NLRP8: variants seen among roughly 807,000 people sequenced by gnomAD.
NLRP8 encodes the protein NLR family pyrin domain containing 8.
A neutral mutation model predicts 88.7 loss-of-function variants in NLRP8; 86 were observed. The observed-to-expected ratio is 0.97, with a 90% CI of 0.81 to 1.16. The LOEUF (loss-of-function observed/expected upper bound fraction) is 1.16. Ranked by LOEUF, NLRP8 falls within the 50% of genes most tolerant of loss-of-function variation. NLRP8 has a pLI of 0.00. For synonymous variants in NLRP8, 504 were observed against 494.6 expected (o/e 1.02, Z -0.25); for missense variants, 1,342 against 1,286.5 (o/e 1.04, Z -0.66).
intron 2 of NLRP8, 141 bp downstream of exon 2, chr19:55,952,753 C>G: frequency 1.6e-6 from 1 of 637,790 alleles, no homozygotes; most frequent in East Asian, 2.9e-5. Flanking sequence ...TGGCGAAACT[C>G]TGTCTCTACT....
At chr19:55,975,563 C>A (rs1245857436) in intron 7 of NLRP8, among the ~76,000 whole-genome samples, 1 of 152,136 alleles carries the variant, frequency 6.6e-6, no homozygotes, top group Non-Finnish European at 1.5e-5. Context: ...GGCATAAAGG[C>A]AGTATGGTGT....
intron 9 of NLRP8, among the ~76,000 whole-genome samples, chr19:55,984,938 A>C (rs1980740670): frequency 6.6e-6 from 1 of 152,252 alleles, no homozygotes; most frequent in South Asian, 2.1e-4. Context: ...GGCTGTATGC[A>C]TAAAGTTATT....
chr19:55,957,716 TATATATATAAAA>T (rs1328066959), intron 3 of NLRP8, among the ~76,000 whole-genome samples: 30 of 70,556 alleles, frequency 4.3e-4, no homozygotes, highest in African/African-American at 1.5e-3. Context: ...TATATATATA[TATATATATAAAA>T]TAAGGTTGTT....
chr19:55,987,312 G>T (rs977060786), intron 9 of NLRP8, among the ~76,000 whole-genome samples: 4 of 152,236 alleles, frequency 2.6e-5, no homozygotes, highest in African/African-American at 4.8e-5. Flanking sequence ...AGAGGTTGCA[G>T]TGAGCCAAGG....
In NLRP8 at chr19:55,976,119, G is replaced by C. The variant is rs1379571017; in HGVS notation, c.2706-14G>C. ...TTGTTGTTGTTGTTGTTTTTAACCT[G>C]TGTTTCTTTGCAGACTGAGAAAGTG... On this transcript the variant is annotated splice_polypyrimidine_tract_variant and intron_variant, in intron 7 of 9. Transcript: ENST00000291971. 1.3e-6 allele frequency: 2 copies of C among 1,575,450 alleles called. No individual in the cohort carries two copies. The highest frequency in any genetic ancestry group is 2.3e-5 in the East Asian group (1 of 43,126).
At chr19:55,986,483 C>T (rs868475342) in intron 9 of NLRP8, among the ~76,000 whole-genome samples, 2 of 149,404 alleles carry the variant, frequency 1.3e-5, no homozygotes, top group African/African-American at 2.5e-5. Flanking sequence ...TACACACACA[C>T]ACACACACAC....
chr19:55,978,471 C>G (rs1980441174), intron 8 of NLRP8, among the ~76,000 whole-genome samples: 1 of 151,836 alleles, frequency 6.6e-6, no homozygotes, highest in African/African-American at 2.4e-5. Flanking sequence ...CTGGTGAGAG[C>G]CTTAGTGCTG....
intron 1 of NLRP8, among the ~76,000 whole-genome samples, chr19:55,950,872 G>A (rs777018010): frequency 1.3e-5 from 2 of 152,226 alleles, no homozygotes; most frequent in African/African-American, 2.4e-5. Context: ...GAGGTCAGGA[G>A]TTTGAGACCA....
At chr19:55,962,937 C>T (rs1859694437) in intron 4 of NLRP8, among the ~76,000 whole-genome samples, 1 of 152,178 alleles carries the variant, frequency 6.6e-6, no homozygotes, top group Non-Finnish European at 1.5e-5. Flanking sequence ...AGGGACACCG[C>T]CTTACAGAAG....
At chr19:55,980,661 G>T (rs1249223501) in intron 9 of NLRP8, among the ~76,000 whole-genome samples, 1 of 152,200 alleles carries the variant, frequency 6.6e-6, no homozygotes, top group African/African-American at 2.4e-5. Flanking sequence ...GAGAGGCTGA[G>T]AGAGGCAGAG....
chr19:55,982,199 G>A (rs528584303), intron 9 of NLRP8, among the ~76,000 whole-genome samples: 6 of 152,238 alleles, frequency 3.9e-5, no homozygotes, highest in Middle Eastern at 3.4e-3. Context: ...ACTATGCCCG[G>A]CCCAGGTTGA....
At chr19:55,982,065 C>T (rs1392563202) in intron 9 of NLRP8, among the ~76,000 whole-genome samples, 1 of 152,068 alleles carries the variant, frequency 6.6e-6, no homozygotes, top group African/African-American at 2.4e-5. Context: ...CCACTCCCAG[C>T]TAATTTTTTT....
chr19:55,964,477 C>T (rs940062685), intron 4 of NLRP8, among the ~76,000 whole-genome samples: 2 of 152,134 alleles, frequency 1.3e-5, no homozygotes, highest in Non-Finnish European at 2.9e-5. Context: ...GCCGGTCGGG[C>T]GTGGTGGCTC....
Position 55,958,083 on chromosome 19 carries a change from G to A in NLRP8, c.2042+1983G>A, listed in dbSNP as rs147422053. Among the ~76,000 whole-genome samples the A allele has an allele frequency of 3.3e-5, 5 of 152,232 alleles. 1 individual carries two copies. The highest frequency in any genetic ancestry group is 1.9e-4 in the East Asian group (1 of 5,176). On this transcript the variant is annotated intron_variant, in intron 3 of 9. Coordinates refer to ENST00000291971, the MANE Select transcript of NLRP8 (RefSeq NM_176811.2). ...CTTGTCCAAGGTCACACATCTGGTC[G>A]AAGCTAAGACGAGCTAAAATTTGAC...
intron 4 of NLRP8, among the ~76,000 whole-genome samples, chr19:55,962,974 G>C (rs1600304470): frequency 2.0e-5 from 3 of 152,156 alleles, no homozygotes; most frequent in Admixed American, 1.3e-4. Flanking sequence ...CACTGAGTAT[G>C]GTTCACCGCT....
At chr19:55,959,026 C>T (rs1979497947) in intron 3 of NLRP8, among the ~76,000 whole-genome samples, 1 of 151,198 alleles carries the variant, frequency 6.6e-6, no homozygotes, top group African/African-American at 2.4e-5. Context: ...CTACAGGCGC[C>T]CGCCAACACG....
chr19:55,960,622 A>G (rs1020748597), intron 3 of NLRP8, among the ~76,000 whole-genome samples: 9 of 152,152 alleles, frequency 5.9e-5, no homozygotes, highest in Admixed American at 6.6e-5. Flanking sequence ...TCACTTTTGT[A>G]TGGGTTCCTG....
intron 4 of NLRP8, among the ~76,000 whole-genome samples, chr19:55,962,908 T>A (rs1979677374): frequency 6.6e-6 from 1 of 152,166 alleles, no homozygotes; most frequent in Non-Finnish European, 1.5e-5. Context: ...TAATCCAGGG[T>A]GTGGTGGTTA....
At chr19:55,950,024 A>C (rs921867863) in intron 1 of NLRP8, among the ~76,000 whole-genome samples, 1 of 152,214 alleles carries the variant, frequency 6.6e-6, no homozygotes, top group Non-Finnish European at 1.5e-5. Context: ...ACCGGAAAAG[A>C]AAATCAGAGG....
Sources: gnomAD v4.1 joint callset for allele counts (sites outside exome capture counted in the v4.1 genomes callset) on GRCh38, gnomAD v4.1.1 for gene constraint, MANE v1.5 for transcripts, NCBI Gene and HGNC (gene_info 2026-07-23, HGNC 2026-07-21) for gene names.